CLSTN2: variants seen among roughly 807,000 people sequenced by gnomAD.
The protein encoded by CLSTN2 is calsyntenin 2.
CLSTN2 carries 48 observed loss-of-function variants against 101.2 expected under a neutral mutation model. The observed-to-expected ratio is 0.47, with a 90% CI of 0.38 to 0.60. The LOEUF (loss-of-function observed/expected upper bound fraction) is 0.60, where lower values mean the gene tolerates loss of function less well. Ranked by LOEUF, CLSTN2 falls within the 20% of genes least tolerant of loss-of-function variation. CLSTN2 has a pLI of 0.00. For synonymous variants in CLSTN2, 481 were observed against 463.6 expected (o/e 1.04, Z -0.48); for missense variants, 1,160 against 1,238.2 (o/e 0.94, Z 0.95).
chr3:140,188,205 C>T (rs942330148), intron 2 of CLSTN2, among the ~76,000 whole-genome samples: 2 of 152,164 alleles, frequency 1.3e-5, no homozygotes, highest in African/African-American at 4.8e-5. Context: ...GACCTTTCAC[C>T]TTCTATGCTT....
At chr3:140,266,257 C>T (rs578021915) in intron 2 of CLSTN2, among the ~76,000 whole-genome samples, 7 of 152,026 alleles carry the variant, frequency 4.6e-5, no homozygotes, top group Admixed American at 1.3e-4. Flanking sequence ...CCCATATAGG[C>T]GAATGAAACC....
At chr3:140,189,935 G>A (rs1018073575) in intron 2 of CLSTN2, among the ~76,000 whole-genome samples, 2 of 152,082 alleles carry the variant, frequency 1.3e-5, no homozygotes, top group Non-Finnish European at 2.9e-5. Context: ...ATTTCTCACC[G>A]CTCTGGAGCC....
intron 2 of CLSTN2, among the ~76,000 whole-genome samples, chr3:140,190,906 T>G (rs922703312): frequency 6.6e-6 from 1 of 152,118 alleles, no homozygotes; most frequent in African/African-American, 2.4e-5. Flanking sequence ...TTGGGTTTTA[T>G]TTCCTTTTTA....
intron 5 of CLSTN2, among the ~76,000 whole-genome samples, chr3:140,443,038 T>G (rs1436905688): frequency 6.6e-6 from 1 of 152,244 alleles, no homozygotes; most frequent in African/African-American, 2.4e-5. Flanking sequence ...CTTGCAGATC[T>G]GGCTGCAGTG....
At chr3:140,231,479 C>G (rs1425563351) in intron 2 of CLSTN2, among the ~76,000 whole-genome samples, 2 of 152,160 alleles carry the variant, frequency 1.3e-5, no homozygotes, top group Non-Finnish European at 2.9e-5. Context: ...GAGACAAATT[C>G]AGGTCAAGGC....
chr3:140,258,326 T>C (rs2086620837), intron 2 of CLSTN2, among the ~76,000 whole-genome samples: 1 of 152,244 alleles, frequency 6.6e-6, no homozygotes, highest in Non-Finnish European at 1.5e-5. Context: ...ACTTTAATAC[T>C]TTGTGCTTGG....
At chr3:140,404,490 A>G in intron 3 of CLSTN2, 68 bp from the exon 4 acceptor site, 2 of 1,439,608 alleles carry the variant, frequency 1.4e-6, no homozygotes, top group Non-Finnish European at 1.9e-6. Context: ...CAGTGCCCCC[A>G]GGAGGTACAG....
At chr3:140,362,130 G>A (rs866942723) in intron 2 of CLSTN2, among the ~76,000 whole-genome samples, 2 of 152,124 alleles carry the variant, frequency 1.3e-5, no homozygotes, top group African/African-American at 2.4e-5. Context: ...AAAGATCAAC[G>A]GAACAGAAAT....
chr3:140,517,143 C>G (rs1449848630), intron 8 of CLSTN2, among the ~76,000 whole-genome samples: 1 of 151,994 alleles, frequency 6.6e-6, no homozygotes, highest in Non-Finnish European at 1.5e-5. Flanking sequence ...GTGTATTTTG[C>G]ATTTCTCTAA....
At chr3:140,388,520 A>T (rs911992892) in intron 2 of CLSTN2, among the ~76,000 whole-genome samples, 1 of 152,234 alleles carries the variant, frequency 6.6e-6, no homozygotes, top group Non-Finnish European at 1.5e-5. Flanking sequence ...CTCCCTTTAG[A>T]TTCCTATAAT....
intron 2 of CLSTN2, among the ~76,000 whole-genome samples, chr3:140,344,664 C>A (rs746241926): frequency 5.3e-5 from 8 of 152,158 alleles, no homozygotes; most frequent in African/African-American, 9.7e-5. Flanking sequence ...CCTGGGGTAC[C>A]TTCCCTGATG....
chr3:139,976,046 A>C (rs139516780), intron 1 of CLSTN2, among the ~76,000 whole-genome samples: 2 of 152,372 alleles, frequency 1.3e-5, no homozygotes, highest in East Asian at 3.9e-4. Flanking sequence ...ACAACTAATC[A>C]AGCTACCATA....
intron 1 of CLSTN2, among the ~76,000 whole-genome samples, chr3:139,938,682 A>G (rs1935071557): frequency 6.6e-6 from 1 of 152,256 alleles, no homozygotes; most frequent in Non-Finnish European, 1.5e-5. Flanking sequence ...AAGGGAAGGA[A>G]GACAATGCAA....
intron 1 of CLSTN2, among the ~76,000 whole-genome samples, chr3:139,979,594 G>C (rs1228516780): frequency 6.6e-6 from 1 of 152,094 alleles, no homozygotes; most frequent in Non-Finnish European, 1.5e-5. Flanking sequence ...TGCAAGAGGG[G>C]AGCTTTTACT....
intron 5 of CLSTN2, among the ~76,000 whole-genome samples, chr3:140,425,362 C>G (rs2088555406): frequency 6.6e-6 from 1 of 152,206 alleles, no homozygotes; most frequent in Non-Finnish European, 1.5e-5. Context: ...TCACAATTGC[C>G]CCTTCCATGG....
intron 4 of CLSTN2, among the ~76,000 whole-genome samples, chr3:140,408,193 A>G (rs905576159): frequency 1.3e-5 from 2 of 152,216 alleles, no homozygotes; most frequent in African/African-American, 4.8e-5. Flanking sequence ...CTTAGCACAG[A>G]GAGAGAACTC....
At chr3:140,188,059 A>G (rs13058927) in intron 2 of CLSTN2, among the ~76,000 whole-genome samples, 5,778 of 152,188 alleles carry the variant, frequency 0.038, 168 homozygotes, top group Middle Eastern at 0.058. Context: ...GTACTTGTCT[A>G]TTTGTGAGCC....
At chr3:140,421,481 A>G (rs1203224210) in intron 5 of CLSTN2, among the ~76,000 whole-genome samples, 2 of 152,226 alleles carry the variant, frequency 1.3e-5, no homozygotes, top group African/African-American at 2.4e-5. Flanking sequence ...CATCTCCTCT[A>G]ACCTCATGTG....
intron 2 of CLSTN2, among the ~76,000 whole-genome samples, chr3:140,240,180 A>C (rs865931145): frequency 0.12 from 1,016 of 8,764 alleles, 43 homozygotes; most frequent in African/African-American, 0.14. Flanking sequence ...CTCTCTATAT[A>C]TATATATATA....
Sources: allele counts gnomAD v4.1 joint callset (sites outside exome capture counted in the v4.1 genomes callset), GRCh38; gene constraint gnomAD v4.1.1; transcripts MANE v1.5; gene names NCBI Gene and HGNC (gene_info 2026-07-23, HGNC 2026-07-21).